LTBP1: variants seen among roughly 807,000 people sequenced by gnomAD.
LTBP1 encodes latent transforming growth factor beta binding protein 1.
A neutral mutation model predicts 207.6 loss-of-function variants in LTBP1; 129 were observed. The ratio of observed to expected loss-of-function variants is 0.62; its 90% CI spans 0.54 to 0.72. The LOEUF (loss-of-function observed/expected upper bound fraction) is 0.72, where lower values mean the gene tolerates loss of function less well. Ranked by LOEUF, LTBP1 falls within the 30% of genes least tolerant of loss-of-function variation. LTBP1 has a pLI of 0.00. For synonymous variants in LTBP1, 963 were observed against 833.7 expected, an observed-to-expected ratio of 1.16 and a Z score of -2.67; for missense variants, 2,281 against 2,217.2, an observed-to-expected ratio of 1.03 and a Z score of -0.58.
intron 19 of LTBP1, among the ~76,000 whole-genome samples, chr2:33,282,302 A>G (rs1234494298): frequency 2.6e-5 from 4 of 152,146 alleles, no homozygotes; most frequent in Non-Finnish European, 4.4e-5. Context: ...TGCTTTGGGT[A>G]AAATTTTAGG....
rs1026944168 is a variant in LTBP1 at position 33,399,216 on chromosome 2, C to T, written c.*671C>T. 1.3e-5 allele frequency: 2 copies of T among 152,296 alleles called. No individual in the cohort carries two copies. The highest frequency in any genetic ancestry group is 2.9e-5 in the Non-Finnish European group (2 of 68,018). The allele number at this position is 152,296 out of a possible 1,614,324, so 9.4% of individuals were successfully genotyped here. On this transcript the variant is annotated 3_prime_UTR_variant, in exon 34 of 34. Transcript: ENST00000404816. Reference sequence around the variant, plus strand: ...GCTGCTAGCAGGTGTTAATTGGATCCCTTTCCTTCACTGAAATGGAAGAGT... The same window carrying T: ...GCTGCTAGCAGGTGTTAATTGGATCTCTTTCCTTCACTGAAATGGAAGAGT...
intron 24 of LTBP1, among the ~76,000 whole-genome samples, chr2:33,342,570 C>T (rs2094641748): frequency 6.6e-6 from 1 of 152,230 alleles, no homozygotes; most frequent in Non-Finnish European, 1.5e-5. Context: ...GTGGCACTTG[C>T]AGCCATCATT....
At chr2:33,073,277 GT>G (rs750038956) in intron 3 of LTBP1, among the ~76,000 whole-genome samples, 1,309 of 37,776 alleles carry the variant, frequency 0.035, 21 homozygotes, top group African/African-American at 0.043. Flanking sequence ...ATGTCACAGT[GT>G]TTTTTTTGTT....
chr2:32,965,268 TACAC>T (rs1395545318), intron 2 of LTBP1, among the ~76,000 whole-genome samples: 1 of 152,086 alleles, frequency 6.6e-6, no homozygotes, highest in Non-Finnish European at 1.5e-5. Context: ...TGACCCCACA[TACAC>T]ACAACCTCTC....
At chr2:32,956,668 C>T (rs899562809) in intron 2 of LTBP1, among the ~76,000 whole-genome samples, 5 of 152,226 alleles carry the variant, frequency 3.3e-5, no homozygotes, top group African/African-American at 1.2e-4. Context: ...ACTTTAATCT[C>T]CTCCCGTAAA....
chr2:33,362,339 C>T (rs903275601), intron 28 of LTBP1, among the ~76,000 whole-genome samples: 2 of 152,000 alleles, frequency 1.3e-5, no homozygotes, highest in Admixed American at 1.3e-4. Flanking sequence ...CATTTGTGTT[C>T]TTTTAAATAC....
At chr2:33,157,271 T>G (rs915847344) in intron 5 of LTBP1, among the ~76,000 whole-genome samples, 3 of 152,188 alleles carry the variant, frequency 2.0e-5, no homozygotes, top group Admixed American at 2.0e-4. Flanking sequence ...CGGATGAGGA[T>G]TAAGAGCTTT....
At chr2:32,998,737 C>T (rs1685673365) in intron 2 of LTBP1, among the ~76,000 whole-genome samples, 1 of 152,016 alleles carries the variant, frequency 6.6e-6, no homozygotes, top group Non-Finnish European at 1.5e-5. Context: ...CATACAAGAG[C>T]TTGCCTCCCC....
intron 17 of LTBP1, 88 bp downstream of exon 17, chr2:33,275,178 A>G (rs1410078773): frequency 1.3e-5 from 19 of 1,472,224 alleles, no homozygotes; most frequent in Non-Finnish European, 1.7e-5. Flanking sequence ...GCTTATCCAG[A>G]CAACCCAGAA....
chr2:33,360,613 A>G lies in LTBP1; in HGVS notation c.4017A>G (p.Val1339=). The change falls in exon 27 of 34, where the codon GTA becomes GTG. Residue 1339 remains valine, a synonymous_variant. Transcript: ENST00000404816. ...SRTSTDLDVD[V]DQPKEEKKEC... is the part of the protein sequence containing the mutation. Reference sequence around the variant, plus strand: ...TCCATTTAGATTTAGATGTAGATGTAGATCAACCCAAAGAAGAAAAGAAAG... The same window carrying G: ...TCCATTTAGATTTAGATGTAGATGTGGATCAACCCAAAGAAGAAAAGAAAG... 1 of 1,612,810 alleles carries G rather than the reference A, an allele frequency of 6.2e-7. No homozygotes were observed. Among genetic ancestry groups the G allele is most frequent in the Non-Finnish European group, 8.5e-7 (1 of 1,178,814 alleles).
intron 2 of LTBP1, among the ~76,000 whole-genome samples, chr2:33,015,975 T>G (rs1431930568): frequency 6.6e-6 from 1 of 152,102 alleles, no homozygotes; most frequent in Non-Finnish European, 1.5e-5. Context: ...TGCCCCATAG[T>G]CCAGTCACCT....
In LTBP1 at chr2:33,257,446, A is replaced by T; in HGVS notation, c.2330A>T (p.Lys777Met). ...ACTCATCCTCCACCTCTCCCAGCCA[A>T]GGAAGAGCCAGTGGAGGCCCTGACC... ...KSTHPPPLPA[K>M]EEPVEALTFS... Residue 777 changes from lysine (K) to methionine (M), a missense_variant, in exon 12 of 34, where the codon AAG becomes ATG. Lys to Met is a moderately conservative substitution (Grantham distance 95). Transcript: ENST00000404816. 1 of 1,614,208 alleles carries T rather than the reference A, an allele frequency of 6.2e-7. No individual in the cohort carries two copies. Among genetic ancestry groups the T allele is most frequent in the Non-Finnish European group, 8.5e-7 (1 of 1,180,018 alleles).
intron 4 of LTBP1, among the ~76,000 whole-genome samples, chr2:33,131,822 A>T (rs1274189491): frequency 1.3e-5 from 2 of 152,224 alleles, no homozygotes; most frequent in Non-Finnish European, 2.9e-5. Flanking sequence ...GAAAATCCAG[A>T]TGATTCCAAG....
intron 5 of LTBP1, among the ~76,000 whole-genome samples, chr2:33,172,800 C>T (rs527643899): frequency 9.3e-4 from 141 of 152,282 alleles, no homozygotes; most frequent in African/African-American, 3.2e-3. Flanking sequence ...TGATAACAAA[C>T]TGTCTCTCAG....
chr2:33,086,811 C>G (rs572639988), intron 3 of LTBP1, among the ~76,000 whole-genome samples: 38 of 152,042 alleles, frequency 2.5e-4, no homozygotes, highest in African/African-American at 8.9e-4. Context: ...TTCCTTGTCT[C>G]GTTGGGCCAC....
intron 2 of LTBP1, among the ~76,000 whole-genome samples, chr2:32,960,289 A>G (rs1237629908): frequency 2.6e-5 from 4 of 152,142 alleles, no homozygotes; most frequent in Non-Finnish European, 4.4e-5. Context: ...CATCACAGAC[A>G]TTTATGTATT....
intron 2 of LTBP1, among the ~76,000 whole-genome samples, chr2:32,996,874 T>C (rs895984675): frequency 6.6e-6 from 1 of 151,910 alleles, no homozygotes; most frequent in Non-Finnish European, 1.5e-5. Context: ...GTGGTATGGG[T>C]GGAACTTTTT....
chr2:33,350,751 T>G (rs1350709541), intron 26 of LTBP1, among the ~76,000 whole-genome samples: 1 of 143,742 alleles, frequency 7.0e-6, no homozygotes, highest in Non-Finnish European at 1.6e-5. Context: ...GGATATGAAA[T>G]ATAGTCTGAT....
intron 9 of LTBP1, among the ~76,000 whole-genome samples, chr2:33,226,797 T>A (rs1212137888): frequency 6.6e-6 from 1 of 152,150 alleles, no homozygotes; most frequent in East Asian, 1.9e-4. Flanking sequence ...TTCATGGCCC[T>A]CAGTTGGTTC....
Sources: gnomAD v4.1 joint callset for allele counts (sites outside exome capture counted in the v4.1 genomes callset) on GRCh38, gnomAD v4.1.1 for gene constraint, MANE v1.5 for transcripts, NCBI Gene and HGNC (gene_info 2026-07-23, HGNC 2026-07-21) for gene names.